Variants in RFX7 observed in about 807,000 individuals in gnomAD.
RFX7 encodes the protein regulatory factor X7, also known as DNA-binding protein RFX7.
A neutral mutation model predicts 111.8 loss-of-function variants in RFX7; 26 were observed. The ratio of observed to expected loss-of-function variants is 0.23; its 90% CI spans 0.17 to 0.32. The LOEUF (loss-of-function observed/expected upper bound fraction) is 0.32. Among genes scored for constraint, RFX7 ranks in the 10% least tolerant of loss-of-function variants. The pLI is 1.00. For missense variants in RFX7, 1,573 were observed against 1,772.9 expected, an observed-to-expected ratio of 0.89 and a Z score of 2.02; for synonymous variants, 624 against 624.4, an observed-to-expected ratio of 1.00 and a Z score of 0.01.
At chr15:56,107,012 A>T (rs1363722850) in intron 5 of RFX7, among the ~76,000 whole-genome samples, 1 of 152,168 alleles carries the variant, frequency 6.6e-6, no homozygotes, top group Non-Finnish European at 1.5e-5. Flanking sequence ...CTCTAATGTC[A>T]TTTTAAAAAT....
chr15:56,242,314 C>T (rs1342307853), intron 2 of RFX7, among the ~76,000 whole-genome samples: 4 of 152,176 alleles, frequency 2.6e-5, no homozygotes, highest in Admixed American at 2.6e-4. Flanking sequence ...ATTGCAATGG[C>T]TCTAACAGTG....
chr15:56,188,438 A>C (rs1389549297), intron 2 of RFX7, among the ~76,000 whole-genome samples: 1 of 152,196 alleles, frequency 6.6e-6, no homozygotes, highest in African/African-American at 2.4e-5. Context: ...TAGATCCCAG[A>C]AGTTCAGCAA....
chr15:56,196,538 G>A (rs1175774664), intron 2 of RFX7, among the ~76,000 whole-genome samples: 2 of 151,866 alleles, frequency 1.3e-5, no homozygotes, highest in Non-Finnish European at 2.9e-5. Context: ...TAGAAGTGTG[G>A]ATTCAATTGT....
intron 5 of RFX7, among the ~76,000 whole-genome samples, chr15:56,141,263 G>A (rs1022834001): frequency 1.3e-5 from 2 of 151,042 alleles, no homozygotes; most frequent in African/African-American, 2.4e-5. Context: ...CAGGAGGATC[G>A]CTTGAGCCCT....
At chr15:56,199,731 C>T (rs1267746085) in intron 2 of RFX7, among the ~76,000 whole-genome samples, 1 of 152,054 alleles carries the variant, frequency 6.6e-6, no homozygotes, top group Non-Finnish European at 1.5e-5. Flanking sequence ...AATTCTGCAA[C>T]TACTAGCTAT....
chr15:56,169,856 G>A (rs528234211), intron 3 of RFX7, among the ~76,000 whole-genome samples: 3 of 151,766 alleles, frequency 2.0e-5, no homozygotes, highest in African/African-American at 7.3e-5. Flanking sequence ...AGGTGAGTAT[G>A]GAAGGAAGGG....
chr15:56,131,285 T>C lies in RFX7; in HGVS notation c.401+11493A>G, dbSNP rs2042212151. On this transcript the variant is annotated intron_variant, in intron 5 of 9. Coordinates refer to ENST00000559447, the MANE Select transcript of RFX7 (RefSeq NM_022841.7). ...ATATTAGGTATCTTTTTTTTTTTTT[T>C]TTTTTTTTTTTGAGACAGGATCTCA... 3.1e-5 allele frequency among the ~76,000 whole-genome samples: 4 copies of C among 130,552 alleles called. No homozygotes were observed. In the South Asian group the frequency reaches 1.2e-3, roughly 39 times the overall value. The allele number at this position is 130,552 out of a possible 152,430, so 85.6% of individuals were successfully genotyped here. A position where few individuals can be genotyped will look rare whatever the true frequency, so the allele number is the denominator to read the frequency against.
At position 56,094,480 on chromosome 15, in the gene RFX7, A is replaced by G; in HGVS notation, c.3248T>C (p.Leu1083Pro). 2 of 1,613,938 alleles carry G rather than the reference A, an allele frequency of 1.2e-6. No individual in the cohort carries two copies. The highest frequency in any genetic ancestry group is 1.7e-6 in the Non-Finnish European group (2 of 1,179,860). The change falls in exon 10 of 10, where the codon CTC becomes CCC. Residue 1083 changes from leucine (L) to proline (P), a missense_variant. Leu to Pro is a moderately conservative substitution (Grantham distance 98, BLOSUM62 -3). Around this residue, in one of 7 missense-constraint regions of RFX7, gnomAD observed 411 missense variants for 478.1 expected, o/e 0.86. Transcript: ENST00000559447. ...GNSSVSGHGI[L>P]PSYQELVEDR... is the part of the protein sequence containing the mutation. Reference sequence around the variant, plus strand: ...TTCCACTAGTTCCTGATAGCTTGGGAGAATACCATGGCCAGAAACTGATGA... The same window carrying G: ...TTCCACTAGTTCCTGATAGCTTGGGGGAATACCATGGCCAGAAACTGATGA...
intron 3 of RFX7, among the ~76,000 whole-genome samples, chr15:56,150,345 C>G (rs1390261781): frequency 6.6e-6 from 1 of 152,230 alleles, no homozygotes; most frequent in African/African-American, 2.4e-5. Flanking sequence ...GGGTCCCTGA[C>G]CCCTGTGTAT....
chr15:56,206,431 G>A (rs1005589597), intron 2 of RFX7, among the ~76,000 whole-genome samples: 6 of 152,088 alleles, frequency 3.9e-5, no homozygotes, highest in African/African-American at 1.4e-4. Flanking sequence ...AATCATGATG[G>A]AGAATAGTTT....
intron 2 of RFX7, among the ~76,000 whole-genome samples, 199 bp downstream of exon 2, chr15:56,242,926 T>C (rs2043720594): frequency 6.6e-6 from 1 of 152,200 alleles, no homozygotes; most frequent in Admixed American, 6.5e-5. Flanking sequence ...AAGCATTTTT[T>C]AGCTAAGAAG....
chr15:56,234,216 A>G (rs1380514924), intron 2 of RFX7, among the ~76,000 whole-genome samples: 1 of 152,214 alleles, frequency 6.6e-6, no homozygotes, highest in African/African-American at 2.4e-5. Flanking sequence ...CTTACTTTTG[A>G]TAAACTCAAT....
chr15:56,211,818 C>T (rs1213191303), intron 2 of RFX7, among the ~76,000 whole-genome samples: 1 of 152,028 alleles, frequency 6.6e-6, no homozygotes, highest in Non-Finnish European at 1.5e-5. Flanking sequence ...AACTAAAACA[C>T]CAATGAGATA....
chr15:56,107,687 G>A (rs1220539098), intron 5 of RFX7, among the ~76,000 whole-genome samples: 1 of 152,172 alleles, frequency 6.6e-6, no homozygotes, highest in Non-Finnish European at 1.5e-5. Context: ...AACTTGCACA[G>A]AGAGGTGCAC....
chr15:56,181,908 C>A (rs939640574), intron 2 of RFX7, among the ~76,000 whole-genome samples: 2 of 152,150 alleles, frequency 1.3e-5, no homozygotes, highest in Non-Finnish European at 2.9e-5. Context: ...CTGAGCTCTG[C>A]CTCCTGTCAC....
intron 2 of RFX7, among the ~76,000 whole-genome samples, chr15:56,225,486 A>G (rs2043472579): frequency 2.0e-5 from 3 of 152,150 alleles, no homozygotes; most frequent in Admixed American, 2.0e-4. Context: ...AATTATAGAG[A>G]TTTTATTCTA....
chr15:56,211,377 A>G (rs1311600431), intron 2 of RFX7, among the ~76,000 whole-genome samples: 2 of 152,188 alleles, frequency 1.3e-5, no homozygotes, highest in African/African-American at 4.8e-5. Flanking sequence ...AACACTAGAG[A>G]CAGATCATAC....
At chr15:56,149,098 A>AG (rs2042529662) in intron 3 of RFX7, among the ~76,000 whole-genome samples, 2 of 151,846 alleles carry the variant, frequency 1.3e-5, no homozygotes. Context: ...AAAAAAAAAA[A>AG]AAAATCAATG....
intron 3 of RFX7, among the ~76,000 whole-genome samples, chr15:56,178,618 A>G (rs1595989566): frequency 6.6e-6 from 1 of 152,162 alleles, no homozygotes. Context: ...ATTTTATGAA[A>G]GAAATCAGCA....
Sources: allele counts gnomAD v4.1 joint callset (sites outside exome capture counted in the v4.1 genomes callset), GRCh38; gene constraint gnomAD v4.1.1; regional missense constraint gnomAD v4.1.1; transcripts MANE v1.5; gene names NCBI Gene and HGNC (gene_info 2026-07-23, HGNC 2026-07-21).